DPH6: variants seen among roughly 807,000 people sequenced by gnomAD.
The protein encoded by DPH6 is diphthine--ammonia ligase.
In DPH6, 33 loss-of-function variants were observed where a neutral mutation model predicts 38.2. The ratio of observed to expected loss-of-function variants is 0.86; its 90% CI spans 0.65 to 1.15. The LOEUF (loss-of-function observed/expected upper bound fraction) is 1.15. Among genes scored for constraint, DPH6 ranks in the 50% most tolerant of loss-of-function variants. DPH6 has a pLI of 0.00. For missense variants in DPH6, 325 were observed against 320.0 expected (o/e 1.02, Z -0.12); for synonymous variants, 108 against 103.0 (o/e 1.05, Z -0.30).
At chr15:35,248,952 C>T (rs1228858796) in intron 3 of DPH6, among the ~76,000 whole-genome samples, 1 of 152,076 alleles carries the variant, frequency 6.6e-6, no homozygotes, top group African/African-American at 2.4e-5. Flanking sequence ...TTCTTGCTTG[C>T]TATAATAACA....
chr15:35,150,520 T>C, the DPH6 span, among the ~76,000 whole-genome samples: 1 of 152,222 alleles, frequency 6.6e-6, no homozygotes, highest in Non-Finnish European at 1.5e-5. Context: ...AGAAAACTAT[T>C]TGGCCATGGA....
At chr15:35,307,006 TGGGCAACTTTA>T (rs1250585169) in intron 3 of DPH6, among the ~76,000 whole-genome samples, 3 of 152,160 alleles carry the variant, frequency 2.0e-5, no homozygotes, top group Non-Finnish European at 4.4e-5. Flanking sequence ...TAGGAAAGTC[TGGGCAACTTTA>T]GGGCTTTTAT....
At chr15:35,327,470 T>G (rs1456905039), downstream of DPH6, among the ~76,000 whole-genome samples, 1 of 151,604 alleles carries the variant, frequency 6.6e-6, no homozygotes, top group Non-Finnish European at 1.5e-5. Context: ...CTCAGCCTCC[T>G]GAGTAGTTGG....
At chr15:35,484,579 C>T (rs1435915901) in intron 3 of DPH6, among the ~76,000 whole-genome samples, 2 of 152,232 alleles carry the variant, frequency 1.3e-5, no homozygotes, top group African/African-American at 2.4e-5. Flanking sequence ...TGGACCCCTC[C>T]ATCGGGAAGC....
At chr15:35,532,580 A>C (rs149632816) in intron 3 of DPH6, among the ~76,000 whole-genome samples, 1 of 152,324 alleles carries the variant, frequency 6.6e-6, no homozygotes, top group Non-Finnish European at 1.5e-5. Flanking sequence ...CTTTTAATTA[A>C]GGAAATACAG....
intron 3 of DPH6, among the ~76,000 whole-genome samples, chr15:35,362,930 C>T (rs59767102): frequency 0.03 from 4,551 of 152,202 alleles, 226 homozygotes; most frequent in African/African-American, 0.1. Context: ...TCCCACTCTG[C>T]GATCTTACTA....
chr15:35,538,936 C>T (rs2055213004), intron 2 of DPH6, among the ~76,000 whole-genome samples: 1 of 151,934 alleles, frequency 6.6e-6, no homozygotes, highest in Admixed American at 6.6e-5. Flanking sequence ...AATTTCAGAT[C>T]ATTTTGGTAT....
At chr15:35,382,174 G>A (rs1286603112) in intron 6 of DPH6, among the ~76,000 whole-genome samples, 1 of 152,160 alleles carries the variant, frequency 6.6e-6, no homozygotes, top group Non-Finnish European at 1.5e-5. Context: ...GTTGGCTCAC[G>A]CCTGTAATCC....
rs1008287773 is a variant in DPH6 at position 35,538,202 on chromosome 15, A to G, written c.312+72T>C. 14 of 1,287,310 alleles carry G rather than the reference A, an allele frequency of 1.1e-5. No homozygotes were observed. The African/African-American group carries it at 1.6e-4, about 15-fold the overall frequency. 79.7% of individuals were successfully genotyped at this position (1,287,310 alleles called of 1,614,324 possible). On this transcript the variant is annotated intron_variant, in intron 3 of 8. Coordinates refer to ENST00000256538, the MANE Select transcript of DPH6 (RefSeq NM_080650.4). Reference sequence around the variant, plus strand: ...TAACAATTGCAAATTACGGATTACTAAATAATTCGGCAAATGTAATTTGTT... The same window carrying G: ...TAACAATTGCAAATTACGGATTACTGAATAATTCGGCAAATGTAATTTGTT...
rs556699562 is a variant in DPH6, at chr15:35,305,649, C to G, written n.200+67872G>C. Among the ~76,000 whole-genome samples, 7 of 152,038 alleles carry G rather than the reference C, an allele frequency of 4.6e-5. No homozygotes were observed. In the South Asian group the frequency reaches 1.5e-3, roughly 32 times the overall value. ...TTGTGCTTAGACCATTTAAAAAGCA[C>G]GAAAGATCTTTAAGATCTCACATAG... is the stretch of plus-strand genomic sequence containing the variant. On this transcript the variant is annotated intron_variant and non_coding_transcript_variant, in intron 3 of 3. Transcript: ENST00000560386.
chr15:35,514,575 A>T (rs1281030355), intron 3 of DPH6, among the ~76,000 whole-genome samples: 2 of 152,182 alleles, frequency 1.3e-5, no homozygotes, highest in African/African-American at 4.8e-5. Context: ...TGGAAGTTTG[A>T]TTTAATTTTA....
At chr15:35,477,698 A>G (rs910552048) in intron 3 of DPH6, among the ~76,000 whole-genome samples, 1 of 151,870 alleles carries the variant, frequency 6.6e-6, no homozygotes, top group Non-Finnish European at 1.5e-5. Flanking sequence ...AAATGTTTTC[A>G]CTGGCCAACT....
intron 3 of DPH6, chr15:35,298,759 G>A: frequency 1.4e-6 from 2 of 1,462,318 alleles, no homozygotes; most frequent in Non-Finnish European, 1.9e-6. Context: ...CCAAGTTAGC[G>A]AGGAAGGAGT....
At chr15:35,474,867 T>C (rs2054245514) in intron 3 of DPH6, among the ~76,000 whole-genome samples, 4 of 152,006 alleles carry the variant, frequency 2.6e-5, no homozygotes, top group African/African-American at 9.7e-5. Flanking sequence ...TACCTCGTGC[T>C]ACCTGCAAAG....
intron 3 of DPH6, among the ~76,000 whole-genome samples, chr15:35,510,395 T>C (rs766216470): frequency 3.3e-5 from 5 of 152,198 alleles, no homozygotes; most frequent in Non-Finnish European, 4.4e-5. Flanking sequence ...CATTTTTGTA[T>C]AGGAAATTAT....
the DPH6 span, among the ~76,000 whole-genome samples, chr15:35,207,911 C>T: frequency 6.6e-6 from 1 of 152,128 alleles, no homozygotes; most frequent in Non-Finnish European, 1.5e-5. Context: ...ATTTGCAATA[C>T]ATTTAGTTAT....
rs183079064 is a variant in DPH6, at chr15:35,276,408, C to T, written n.201-55826G>A. The stretch of plus-strand genomic sequence containing the variant: ...TGTCTGTTTACTCTGCTGACTGTTC[C>T]TTTTGCCATGCAAAAGATCTTTAGT... On this transcript the variant is annotated intron_variant and non_coding_transcript_variant, in intron 3 of 3. Transcript: ENST00000560386. Among the ~76,000 whole-genome samples the T allele has an allele frequency of 2.6e-5, 4 of 152,284 alleles. No homozygotes were observed. The East Asian group carries it at 7.7e-4, about 29-fold the overall frequency.
intron 5 of DPH6, among the ~76,000 whole-genome samples, chr15:35,442,597 C>A (rs1170032741): frequency 6.6e-6 from 1 of 151,960 alleles, no homozygotes; most frequent in African/African-American, 2.4e-5. Context: ...GAGCATTATT[C>A]ATAATAAAGA....
chr15:35,503,473 A>T (rs1487707384), intron 3 of DPH6, among the ~76,000 whole-genome samples: 2 of 152,052 alleles, frequency 1.3e-5, no homozygotes, highest in Non-Finnish European at 2.9e-5. Flanking sequence ...CAAACATATG[A>T]GGCAAATGAT....
Sources: gnomAD v4.1 joint callset for allele counts (sites outside exome capture counted in the v4.1 genomes callset) on GRCh38, gnomAD v4.1.1 for gene constraint, MANE v1.5 for transcripts, NCBI Gene and HGNC (gene_info 2026-07-23, HGNC 2026-07-21) for gene names.